IQCK: variants seen among roughly 807,000 people sequenced by gnomAD.
IQCK encodes IQ domain-containing protein K.
A neutral mutation model predicts 28.1 loss-of-function variants in IQCK; 29 were observed. The ratio of observed to expected loss-of-function variants is 1.03; its 90% CI spans 0.77 to 1.41. IQCK has a LOEUF of 1.41. Among genes scored for constraint, IQCK ranks in the 40% most tolerant of loss-of-function variants. The probability of loss-of-function intolerance (pLI) is 0.00; values close to 1 mark genes in which losing one functional copy is unlikely to be tolerated. For synonymous variants in IQCK, 113 were observed against 115.1 expected (o/e 0.98, Z 0.12); for missense variants, 359 against 314.7 (o/e 1.14, Z -1.07).
chr16:19,751,758 A>G (rs2054989850), intron 4 of IQCK, among the ~76,000 whole-genome samples: 1 of 152,100 alleles, frequency 6.6e-6, no homozygotes, highest in African/African-American at 2.4e-5. Context: ...TCTCGGAGGC[A>G]TGGCTTTGAA....
chr16:19,773,273 A>C (rs529193989), intron 6 of IQCK, among the ~76,000 whole-genome samples: 1 of 152,196 alleles, frequency 6.6e-6, no homozygotes, highest in African/African-American at 2.4e-5. Context: ...CCCAACTGAC[A>C]AGTATTGTGG....
intron 4 of IQCK, among the ~76,000 whole-genome samples, chr16:19,749,781 AAAG>A (rs1188701441): frequency 1.3e-5 from 2 of 152,042 alleles, no homozygotes; most frequent in African/African-American, 2.4e-5. Context: ...GAAAAAAAAA[AAAG>A]AAAAAGAAAA....
rs1283616773 is a variant in IQCK at position 19,825,838 on chromosome 16, TA to T, written c.691-1185del. Among the ~76,000 whole-genome samples the T allele has an allele frequency of 1.2e-4, 19 of 152,296 alleles. No homozygotes were observed. The highest frequency in any genetic ancestry group is 4.6e-4 in the African/African-American group (19 of 41,568). On this transcript the variant is annotated intron_variant, in intron 7 of 7. Coordinates refer to ENST00000564186, the Ensembl canonical transcript of IQCK. The surrounding 1 kb of genome is among the most constrained non-coding windows in gnomAD (Gnocchi z 4.2). The stretch of plus-strand genomic sequence containing the variant: ...TTGGTATGAAGTAAGCAGTCAGTGT[TA>T]AATAGAACTGTGGTTAATGCATTAA...
At chr16:19,845,292 C>A (rs527736625) in intron 9 of IQCK, among the ~76,000 whole-genome samples, 1 of 152,358 alleles carries the variant, frequency 6.6e-6, no homozygotes, top group South Asian at 2.1e-4. Flanking sequence ...GGGTTTGTCT[C>A]TGTTGTTCTT....
At chr16:19,734,455 ATC>A (rs1977942836) in intron 3 of IQCK, among the ~76,000 whole-genome samples, 1 of 109,984 alleles carries the variant, frequency 9.1e-6, no homozygotes, top group African/African-American at 5.6e-5. Flanking sequence ...CTAAGACTCC[ATC>A]ACAAAAAAAA....
chr16:19,826,894 A>T, intron 7 of IQCK, 132 bp from the exon 8 acceptor site: 1 of 671,008 alleles, frequency 1.5e-6, no homozygotes, highest in Non-Finnish European at 2.7e-6. Flanking sequence ...TCAATAATTC[A>T]TTTAGGACGA....
At chr16:19,769,218 C>T (rs1441781329) in intron 6 of IQCK, among the ~76,000 whole-genome samples, 1 of 152,192 alleles carries the variant, frequency 6.6e-6, no homozygotes, top group Non-Finnish European at 1.5e-5. Context: ...CCATTTCCAT[C>T]ACATGCTATT....
At chr16:19,734,978 G>C (rs1360950524) in intron 3 of IQCK, among the ~76,000 whole-genome samples, 1 of 151,868 alleles carries the variant, frequency 6.6e-6, no homozygotes. Context: ...TTATTACTGT[G>C]ACCCTAAGCC....
intron 9 of IQCK, among the ~76,000 whole-genome samples, chr16:19,850,806 G>C (rs1450516737): frequency 1.3e-5 from 2 of 152,088 alleles, no homozygotes. Context: ...CTTGAGCCCA[G>C]GAGTTAGAGA....
intron 4 of IQCK, among the ~76,000 whole-genome samples, chr16:19,754,927 G>A (rs1204023184): frequency 6.6e-6 from 1 of 152,172 alleles, no homozygotes; most frequent in Non-Finnish European, 1.5e-5. Flanking sequence ...AAATGACCCT[G>A]TGGCCTGGGC....
chr16:19,810,426 G>A (rs1182040159), intron 7 of IQCK, among the ~76,000 whole-genome samples: 2 of 151,926 alleles, frequency 1.3e-5, no homozygotes, highest in African/African-American at 4.8e-5. Context: ...CAACCCAGGA[G>A]GTGGAGCTTG....
At chr16:19,842,556 C>G (rs893237386) in intron 9 of IQCK, among the ~76,000 whole-genome samples, 2 of 152,104 alleles carry the variant, frequency 1.3e-5, no homozygotes, top group African/African-American at 4.8e-5. Context: ...CCATTAAATC[C>G]TTTTCAAAAA....
intron 1 of IQCK, 41 bp from the exon 2 acceptor site, chr16:19,730,389 G>C (rs1977793939): frequency 7.6e-6 from 11 of 1,439,754 alleles, no homozygotes; most frequent in Non-Finnish European, 1.0e-5. Flanking sequence ...AGAAACTCTA[G>C]TGAAGTATGG....
intron 2 of IQCK, among the ~76,000 whole-genome samples, chr16:19,731,591 GA>G (rs1443749543): frequency 2.6e-5 from 4 of 152,136 alleles, no homozygotes; most frequent in Non-Finnish European, 5.9e-5. Context: ...AATATATGTT[GA>G]TCTTCGTCTC....
chr16:19,838,971 A>G (rs940788244), intron 9 of IQCK, among the ~76,000 whole-genome samples: 1 of 144,554 alleles, frequency 6.9e-6, no homozygotes, highest in Non-Finnish European at 1.5e-5. Flanking sequence ...GTGAGGCAAG[A>G]TCACGCCACT....
chr16:19,803,846 C>T (rs953138130), intron 7 of IQCK, among the ~76,000 whole-genome samples: 20 of 152,060 alleles, frequency 1.3e-4, no homozygotes, highest in Non-Finnish European at 2.6e-4. Context: ...GGGGGTCTCA[C>T]TATGTTGCCC....
intron 6 of IQCK, among the ~76,000 whole-genome samples, chr16:19,779,034 G>A (rs1453465478): frequency 6.6e-6 from 1 of 152,190 alleles, no homozygotes; most frequent in Non-Finnish European, 1.5e-5. Flanking sequence ...CCAGGCTGGA[G>A]TGCAGTGGTG....
chr16:19,736,555 A>G (rs1167556839), intron 4 of IQCK, among the ~76,000 whole-genome samples: 1 of 152,202 alleles, frequency 6.6e-6, no homozygotes, highest in Non-Finnish European at 1.5e-5. Flanking sequence ...TCCGTAGTTC[A>G]CGGGATACTT....
At chr16:19,747,294 T>C (rs1258216329) in intron 4 of IQCK, among the ~76,000 whole-genome samples, 1 of 152,140 alleles carries the variant, frequency 6.6e-6, no homozygotes, top group African/African-American at 2.4e-5. Context: ...AGCTGTTCCA[T>C]GTGGTCTCTC....
Sources: gnomAD v4.1 joint callset for allele counts (sites outside exome capture counted in the v4.1 genomes callset) on GRCh38, gnomAD v4.1.1 for gene constraint, Gnocchi (gnomAD v3.1) non-coding constraint, MANE v1.5 for transcripts, NCBI Gene and HGNC (gene_info 2026-07-23, HGNC 2026-07-21) for gene names.